Variants in XKR4 observed in about 807,000 individuals in gnomAD.
The protein encoded by XKR4 is XK-related protein 4.
Under a neutral mutation model 53.9 loss-of-function variants are expected in XKR4, and 12 were observed. The ratio of observed to expected loss-of-function variants is 0.22; its 90% CI spans 0.14 to 0.36. The LOEUF is 0.36. Among genes scored for constraint, XKR4 ranks in the 10% least tolerant of loss-of-function variants. XKR4 has a pLI of 1.00. For synonymous variants in XKR4, 354 were observed against 362.4 expected (o/e 0.98, Z 0.26); for missense variants, 799 against 859.5 (o/e 0.93, Z 0.88).
chr8:55,196,603 A>T (rs1817510483), intron 1 of XKR4, among the ~76,000 whole-genome samples: 1 of 152,232 alleles, frequency 6.6e-6, no homozygotes, highest in Admixed American at 6.5e-5. Flanking sequence ...TGCAAGAGAA[A>T]ATGTCATATG....
intron 2 of XKR4, among the ~76,000 whole-genome samples, chr8:55,388,708 T>A (rs1804389574): frequency 6.6e-6 from 1 of 152,230 alleles, no homozygotes; most frequent in African/African-American, 2.4e-5. Context: ...CACGTATGAG[T>A]TTGAGAGGAC....
intron 2 of XKR4, among the ~76,000 whole-genome samples, chr8:55,445,143 C>T (rs540808272): frequency 4.6e-5 from 7 of 152,178 alleles, no homozygotes; most frequent in African/African-American, 7.2e-5. Context: ...CTGCAAGCTC[C>T]GCCTCCCGGG....
chr8:55,174,467 G>A (rs375730101), intron 1 of XKR4, among the ~76,000 whole-genome samples: 21 of 152,190 alleles, frequency 1.4e-4, no homozygotes, highest in East Asian at 1.2e-3. Context: ...TCTGTATTTT[G>A]GAGCATCCGG....
chr8:55,175,918 T>C (rs1244343119), intron 1 of XKR4, among the ~76,000 whole-genome samples: 1 of 152,206 alleles, frequency 6.6e-6, no homozygotes, highest in Non-Finnish European at 1.5e-5. Flanking sequence ...AGACTAGTTA[T>C]TGTTGTTAGA....
intron 2 of XKR4, among the ~76,000 whole-genome samples, chr8:55,408,746 C>T (rs1302259516): frequency 6.6e-6 from 1 of 152,110 alleles, no homozygotes; most frequent in Non-Finnish European, 1.5e-5. Context: ...CGGTGGTTCG[C>T]GCCTGTAATC....
In XKR4 at chr8:55,156,298, C is replaced by A. The variant is rs190234719; in HGVS notation, c.806+53004C>A. ...AATAGCAATAAATGTAAGAAAAAAA[C>A]ATGAAAATATGCAATAATTTTGAAT... On this transcript the variant is annotated intron_variant, in intron 1 of 2. Transcript: ENST00000327381. Among the ~76,000 whole-genome samples the A allele has an allele frequency of 3.5e-3, 524 of 151,542 alleles. 5 individuals are homozygous for A. Among genetic ancestry groups the A allele is most frequent in the African/African-American group, 0.012 (491 of 41,284 alleles).
intron 2 of XKR4, among the ~76,000 whole-genome samples, chr8:55,359,651 G>A (rs991184166): frequency 1.5e-4 from 23 of 152,174 alleles, no homozygotes; most frequent in Admixed American, 5.2e-4. Flanking sequence ...TGAGGTCACT[G>A]AGTATCTCTA....
At chr8:55,492,210 A>G (rs1251648838) in intron 2 of XKR4, among the ~76,000 whole-genome samples, 1 of 152,116 alleles carries the variant, frequency 6.6e-6, no homozygotes, top group Non-Finnish European at 1.5e-5. Flanking sequence ...GTTGTCTGTT[A>G]TATTTTTTCC....
intron 1 of XKR4, among the ~76,000 whole-genome samples, chr8:55,200,037 A>G (rs1452503471): frequency 2.0e-5 from 3 of 152,094 alleles, no homozygotes; most frequent in Non-Finnish European, 2.9e-5. Flanking sequence ...TGTCATCCAC[A>G]TCAGACAGTA....
intron 1 of XKR4, among the ~76,000 whole-genome samples, chr8:55,259,903 ACACT>A (rs1216809984): frequency 6.6e-6 from 1 of 151,928 alleles, no homozygotes; most frequent in Non-Finnish European, 1.5e-5. Context: ...TCCACACCAC[ACACT>A]CACCCACCCA....
chr8:55,164,433 A>G, intron 1 of XKR4: 1 of 456,300 alleles, frequency 2.2e-6, no homozygotes, highest in Non-Finnish European at 4.4e-6. Context: ...AAGGAAAATA[A>G]AAGCACCTTG....
chr8:55,105,654 ATCTAACTAT>A, intron 1 of XKR4, among the ~76,000 whole-genome samples: 1 of 152,316 alleles, frequency 6.6e-6, no homozygotes, highest in Middle Eastern at 3.4e-3. Context: ...TTATCATCTA[ATCTAACTAT>A]TCTCAGATTC....
chr8:55,211,396 T>C (rs1224677929), intron 1 of XKR4, among the ~76,000 whole-genome samples: 4 of 152,234 alleles, frequency 2.6e-5, no homozygotes, highest in Non-Finnish European at 1.5e-5. Context: ...AAAATGACCA[T>C]TGCACACATC....
chr8:55,489,628 A>G (rs1806243504), intron 2 of XKR4, among the ~76,000 whole-genome samples: 1 of 152,256 alleles, frequency 6.6e-6, no homozygotes, highest in Middle Eastern at 3.4e-3. Context: ...GATGCATCAA[A>G]TATTTTATAC....
chr8:55,524,128 G>A lies in XKR4; in HGVS notation c.1854G>A (p.Lys618=). ...ERHVLDRSLR[K]AILAFECSPS... Reference sequence around the variant, plus strand: ...ATGTTTTGGACCGAAGCCTCCGAAAGGCTATTTTAGCTTTTGAATGTTCCC... The same window carrying A: ...ATGTTTTGGACCGAAGCCTCCGAAAAGCTATTTTAGCTTTTGAATGTTCCC... Residue 618 remains lysine (K), a synonymous_variant, in exon 3 of 3, where the codon AAG becomes AAA. Transcript: ENST00000327381. The A allele has an allele frequency of 6.2e-7, 1 of 1,614,246 alleles. No individual in the cohort carries two copies. Among genetic ancestry groups the A allele is most frequent in the Non-Finnish European group, 8.5e-7 (1 of 1,180,048 alleles).
intron 1 of XKR4, among the ~76,000 whole-genome samples, chr8:55,189,518 C>A (rs767756801): frequency 3.3e-5 from 5 of 152,186 alleles, no homozygotes; most frequent in Non-Finnish European, 7.3e-5. Context: ...GGCTACAAAC[C>A]TGTATCATGT....
chr8:55,314,902 G>T (rs1563322518), intron 1 of XKR4, among the ~76,000 whole-genome samples: 1 of 152,170 alleles, frequency 6.6e-6, no homozygotes, highest in Non-Finnish European at 1.5e-5. Flanking sequence ...TGGTTGGAGA[G>T]GTCCACATGG....
At chr8:55,480,970 T>C (rs1003013912) in intron 2 of XKR4, among the ~76,000 whole-genome samples, 10 of 152,162 alleles carry the variant, frequency 6.6e-5, no homozygotes, top group African/African-American at 1.9e-4. Flanking sequence ...ATGGACATAC[T>C]GCACAAGGTA....
At chr8:55,480,830 C>A (rs1353699605) in intron 2 of XKR4, among the ~76,000 whole-genome samples, 1 of 150,450 alleles carries the variant, frequency 6.6e-6, no homozygotes, top group Non-Finnish European at 1.5e-5. Context: ...ACCTAGGAAT[C>A]CAACTTACAA....
Sources: gnomAD v4.1 joint callset for allele counts (sites outside exome capture counted in the v4.1 genomes callset) on GRCh38, gnomAD v4.1.1 for gene constraint, MANE v1.5 for transcripts, NCBI Gene and HGNC (gene_info 2026-07-23, HGNC 2026-07-21) for gene names.